UHRF1: variants seen among roughly 807,000 people sequenced by gnomAD.
UHRF1 encodes E3 ubiquitin-protein ligase UHRF1.
Under a neutral mutation model 96.5 loss-of-function variants are expected in UHRF1, and 9 were observed. That is an observed-to-expected ratio of 0.09 (90% CI 0.06 to 0.16). The LOEUF is 0.16. UHRF1 is among the 10% of genes least tolerant of loss of function. The pLI is 1.00. For synonymous variants in UHRF1, 455 were observed against 469.9 expected, an observed-to-expected ratio of 0.97 and a Z score of 0.41; for missense variants, 626 against 1,131.1, an observed-to-expected ratio of 0.55 and a Z score of 6.40.
chr19:4,917,077 G>GGA (rs1167695326), intron 2 of UHRF1, among the ~76,000 whole-genome samples: 1 of 151,540 alleles, frequency 6.6e-6, no homozygotes, highest in Non-Finnish European at 1.5e-5. Context: ...CGGTGGGGGG[G>GGA]GGGGGTGCAG....
rs73534635 is a variant in UHRF1, at chr19:4,927,967, T to A, written c.154-1255T>A. ...CAGCTCCTGGGATTCACCTCCTCTC[T>A]CCCTTCCCACTCAGTGTGTGGATTT... On this transcript the variant is annotated intron_variant, in intron 2 of 16. Coordinates refer to ENST00000650932, the MANE Select transcript of UHRF1 (RefSeq NM_001048201.3). Among the ~76,000 whole-genome samples, 710 of 152,308 alleles carry A rather than the reference T, an allele frequency of 4.7e-3. 9 individuals are homozygous for A. The highest frequency in any genetic ancestry group is 0.016 in the African/African-American group (656 of 41,574).
chr19:4,950,417 C>T (rs1421996831), intron 11 of UHRF1, among the ~76,000 whole-genome samples, 194 bp from the exon 12 acceptor site: 2 of 150,872 alleles, frequency 1.3e-5, no homozygotes, highest in East Asian at 3.9e-4. Context: ...CTAACTTTTG[C>T]ATTTTTAGCA....
chr19:4,920,093 G>A (rs944131977), intron 2 of UHRF1, among the ~76,000 whole-genome samples: 2 of 152,122 alleles, frequency 1.3e-5, no homozygotes, highest in African/African-American at 2.4e-5. Flanking sequence ...CTGGGATTAC[G>A]GGCATGAGCC....
Position 4,941,541 on chromosome 19 carries a change from A to C in UHRF1, c.799A>C (p.Asn267His), listed in dbSNP as rs755048877. 1.2e-6 allele frequency: 2 copies of C among 1,613,222 alleles called. No individual in the cohort carries two copies. The highest frequency in any genetic ancestry group is 2.2e-5 in the South Asian group (2 of 90,938). The change falls in exon 6 of 17, where the codon AAC becomes CAC. Residue 267 changes from asparagine (N) to histidine (H), a missense_variant. By Grantham distance (68) the Asn-to-His change is moderately conservative (BLOSUM62 1). This residue lies in a region of UHRF1 where 198 missense variants were observed against 235.1 expected (regional missense o/e 0.84). Transcript: ENST00000650932. ...CGTTCCTTGCAGGGATGATTCTCTG[A>C]ACGACTGTCGGATCATCTTCGTGGA... The part of the protein sequence containing the change: ...ANVVLGDDSL[N>H]DCRIIFVDEV...
chr19:4,941,489 CG>C, intron 5 of UHRF1, 38 bp from the exon 6 acceptor site: 1 of 1,551,398 alleles, frequency 6.4e-7, no homozygotes, highest in East Asian at 2.3e-5. Context: ...TTAGGGGCCT[CG>C]GCAGGCCAGA....
chr19:4,938,730 G>GTTTTTTTTTTTTTTT lies in UHRF1; in HGVS notation c.786-2781_786-2767dup, dbSNP rs71170880. Among the ~76,000 whole-genome samples the GTTTTTTTTTTTTTTT allele has an allele frequency of 8.9e-4, 55 of 61,582 alleles. 4 individuals are homozygous for GTTTTTTTTTTTTTTT. The highest frequency in any genetic ancestry group is 1.7e-3 in the African/African-American group (24 of 14,068). 40.4% of individuals were successfully genotyped at this position (61,582 alleles called of 152,430 possible). ...GGCATAAGAGTTTTGTTTTGGTCAG[G>GTTTTTTTTTTTTTTT]TTTTTTTTTTTTTTTTTTTTTTTTT... On this transcript the variant is annotated intron_variant, in intron 5 of 16. Coordinates refer to ENST00000650932, the MANE Select transcript of UHRF1 (RefSeq NM_001048201.3).
chr19:4,933,851 T>C (rs925031063), intron 5 of UHRF1, among the ~76,000 whole-genome samples: 1 of 151,840 alleles, frequency 6.6e-6, no homozygotes, highest in Non-Finnish European at 1.5e-5. Flanking sequence ...AAGAGCAGAG[T>C]TGTGTAGTTG....
chr19:4,950,639 A>G lies in UHRF1; in HGVS notation c.1546A>G (p.Ile516Val). The G allele has an allele frequency of 6.2e-7, 1 of 1,612,646 alleles. No homozygotes were observed. The highest frequency in any genetic ancestry group is 8.5e-7 in the Non-Finnish European group (1 of 1,179,674). Reference protein sequence around the residue: ...RALALNCFAPINDQEGAEAKD... With the variant: ...RALALNCFAPVNDQEGAEAKD... Reference sequence around the variant, plus strand: ...GCTGGCTCTCAACTGCTTTGCTCCCATCAATGACCAAGAAGGGGCCGAGGC... The same window carrying G: ...GCTGGCTCTCAACTGCTTTGCTCCCGTCAATGACCAAGAAGGGGCCGAGGC... Residue 516 changes from isoleucine (I) to valine (V), a missense_variant, in exon 12 of 17, where the codon ATC becomes GTC. Transcript: ENST00000650932.
At position 4,945,138 on chromosome 19, in the gene UHRF1, G is replaced by T. The variant is rs17881185; in HGVS notation, c.1305+688G>T. 6.7e-3 allele frequency among the ~76,000 whole-genome samples: 1,023 copies of T among 152,328 alleles called. 12 individuals are homozygous for T. Among genetic ancestry groups the T allele is most frequent in the African/African-American group, 0.023 (944 of 41,574 alleles). ...ATCCCTAGTGCTCAGCGGCCAGCCG[G>T]GGCCCCATGCTCAGGCCAGGGCCTC... On this transcript the variant is annotated intron_variant, in intron 9 of 16. Transcript: ENST00000650932.
intron 11 of UHRF1, among the ~76,000 whole-genome samples, chr19:4,949,504 A>ACACACACACACACT (rs751511806): frequency 2.0e-5 from 3 of 147,270 alleles, no homozygotes; most frequent in African/African-American, 7.5e-5. Context: ...ACACACACAC[A>ACACACACACACACT]CTCTCACAAA....
chr19:4,935,256 CCG>C, intron 5 of UHRF1, among the ~76,000 whole-genome samples: 1 of 152,174 alleles, frequency 6.6e-6, no homozygotes, highest in Non-Finnish European at 1.5e-5. Context: ...GCGTGAGCCA[CCG>C]CACCCAGCCT....
At chr19:4,940,618 G>A (rs12150907) in intron 5 of UHRF1, among the ~76,000 whole-genome samples, 21,335 of 150,846 alleles carry the variant, frequency 0.14, 1,803 homozygotes, top group Non-Finnish European at 0.19. Flanking sequence ...CACCCACCTT[G>A]GCCTCCCAAA....
Position 4,954,520 on chromosome 19 carries a change from T to C in UHRF1, c.1957+32T>C, listed in dbSNP as rs200453539. 6 of 1,593,602 alleles carry C rather than the reference T, an allele frequency of 3.8e-6. No homozygotes were observed. The highest frequency in any genetic ancestry group is 1.7e-5 in the Admixed American group (1 of 58,510). ...ATCTCGTGGGTGTGGGGTGAGCGTC[T>C]TGTGTGTGGGGGAGCAGGTGGGCAT... On this transcript the variant is annotated intron_variant, in intron 14 of 16. Transcript: ENST00000650932. The surrounding 1 kb of genome is among the most constrained non-coding windows in gnomAD (Gnocchi z 5.9).
chr19:4,945,840 A>G (rs1195738794), intron 9 of UHRF1, 21 bp from the exon 10 acceptor site: 11 of 1,583,294 alleles, frequency 6.9e-6, no homozygotes, highest in African/African-American at 1.4e-5. Flanking sequence ...GACACCATGT[A>G]TATCTTGGTG....
chr19:4,942,460 G>C (rs570530396), intron 7 of UHRF1, among the ~76,000 whole-genome samples: 2 of 151,786 alleles, frequency 1.3e-5, no homozygotes, highest in African/African-American at 4.8e-5. Flanking sequence ...AAAGTGCTGG[G>C]ATTATAGGCG....
chr19:4,954,422 G>A lies in UHRF1; in HGVS notation c.1891G>A (p.Glu631Lys), dbSNP rs763995143. 3 of 1,613,690 alleles carry A rather than the reference G, an allele frequency of 1.9e-6. No individual in the cohort carries two copies. In the African/African-American group the frequency reaches 4.0e-5, roughly 22 times the overall value. The change falls in exon 14 of 17, where the codon GAG becomes AAG. Residue 631 changes from glutamate to lysine, a missense_variant. This residue lies in a region of UHRF1 where 90 missense variants were observed against 94.7 expected (regional missense o/e 0.95). Transcript: ENST00000650932. The surrounding 1 kb of genome is among the most constrained non-coding windows in gnomAD (Gnocchi z 5.9). ...EKENSKREEEEQQEGGFASPR... is the reference protein window; with the variant it reads ...EKENSKREEEKQQEGGFASPR... Reference sequence around the variant, plus strand: ...GGAGAACAGCAAGAGGGAGGAGGAGGAGCAGCAGGAGGGGGGCTTCGCGTC... The same window carrying A: ...GGAGAACAGCAAGAGGGAGGAGGAGAAGCAGCAGGAGGGGGGCTTCGCGTC...
chr19:4,947,378 C>T (rs1014484168), intron 11 of UHRF1, among the ~76,000 whole-genome samples, 167 bp downstream of exon 11: 2 of 151,410 alleles, frequency 1.3e-5, no homozygotes, highest in Admixed American at 6.6e-5. Context: ...GCTGGGATTA[C>T]AGGCGTGAGC....
intron 11 of UHRF1, among the ~76,000 whole-genome samples, chr19:4,947,802 A>T: frequency 6.6e-6 from 1 of 151,994 alleles, no homozygotes; most frequent in East Asian, 1.9e-4. Flanking sequence ...CCTGGCTGAT[A>T]GTAGGTATCT....
intron 13 of UHRF1, among the ~76,000 whole-genome samples, chr19:4,953,041 C>T (rs1000441194): frequency 1.3e-5 from 2 of 152,136 alleles, no homozygotes; most frequent in African/African-American, 2.4e-5. Context: ...GTAAAGACAA[C>T]GAGATCTTAT....
Sources: gnomAD v4.1 joint callset for allele counts (sites outside exome capture counted in the v4.1 genomes callset) on GRCh38, gnomAD v4.1.1 for gene constraint, gnomAD v4.1.1 regional missense constraint, Gnocchi (gnomAD v3.1) non-coding constraint, MANE v1.5 for transcripts, NCBI Gene and HGNC (gene_info 2026-07-23, HGNC 2026-07-21) for gene names.